The following RREB1 variants were observed in gnomAD, a reference collection of about 807,000 sequenced individuals.
RREB1 encodes the protein ras responsive element binding protein 1.
A neutral mutation model predicts 117.8 loss-of-function variants in RREB1; 27 were observed. The ratio of observed to expected loss-of-function variants is 0.23; its 90% confidence interval spans 0.17 to 0.32. The LOEUF (loss-of-function observed/expected upper bound fraction) is 0.32. RREB1 is among the 10% of genes least tolerant of loss of function. The pLI, the probability that RREB1 is intolerant of heterozygous loss-of-function variation, is 1.00. For missense variants in RREB1, 2,577 were observed against 2,378.2 expected (o/e 1.08, Z -1.74); for synonymous variants, 1,298 against 1,026.7 (o/e 1.26, Z -5.05).
rs1181609406 is a variant in RREB1, at chr6:7,251,011, G to T, written c.*2043G>T. 1 of 151,604 alleles carries T rather than the reference G, an allele frequency of 6.6e-6. No individual in the cohort carries two copies. Among genetic ancestry groups the T allele is most frequent in the African/African-American group, 2.4e-5 (1 of 41,252 alleles). The allele number at this position is 151,604 out of a possible 1,614,324, so 9.4% of individuals were successfully genotyped here. A position where few individuals can be genotyped will look rare whatever the true frequency, so the allele number is the denominator to read the frequency against. ...TATTACAGTTGTTATTGTTGTTTTT[G>T]TTGTTATTATTATTTGGGGTTTCTT... On this transcript the variant is annotated 3_prime_UTR_variant, in exon 13 of 13. Transcript: ENST00000379938.
intron 8 of RREB1, among the ~76,000 whole-genome samples, chr6:7,220,397 C>T (rs143954537): frequency 1.5e-4 from 23 of 152,054 alleles, no homozygotes; most frequent in African/African-American, 5.5e-4. Context: ...CTTAATCTGT[C>T]ATTTGGAGAT....
chr6:7,110,479 G>GGTGTGTGTGTGTGTGTGTGTGTGTGT (rs111267508), intron 1 of RREB1, among the ~76,000 whole-genome samples: 6 of 149,622 alleles, frequency 4.0e-5, no homozygotes, highest in African/African-American at 1.5e-4. Flanking sequence ...TTTTAGGGGT[G>GGTGTGTGTGTGTGTGTGTGTGTGTGT]GTGTGTGTGT....
intron 2 of RREB1, among the ~76,000 whole-genome samples, chr6:7,177,565 C>T (rs1432040170): frequency 6.6e-6 from 1 of 152,092 alleles, no homozygotes; most frequent in African/African-American, 2.4e-5. Flanking sequence ...GACAGGGTCT[C>T]ACTCTGTCGC....
chr6:7,245,176 G>A (rs1367895778), intron 11 of RREB1, among the ~76,000 whole-genome samples: 1 of 152,032 alleles, frequency 6.6e-6, no homozygotes, highest in Non-Finnish European at 1.5e-5. Context: ...TGGGTAGATC[G>A]CCTGAGGTCA....
intron 8 of RREB1, chr6:7,215,705 C>T (rs1031982842): frequency 1.3e-5 from 2 of 152,166 alleles, no homozygotes; most frequent in African/African-American, 4.8e-5. Flanking sequence ...TCGAGTATAC[C>T]AGTATCATCA....
intron 1 of RREB1, among the ~76,000 whole-genome samples, chr6:7,135,531 C>A (rs908765667): frequency 1.3e-5 from 2 of 152,098 alleles, no homozygotes; most frequent in Admixed American, 1.3e-4. Flanking sequence ...CAGCTGATGC[C>A]TCTTTCATTG....
intron 6 of RREB1, among the ~76,000 whole-genome samples, 156 bp downstream of exon 6, chr6:7,189,478 C>T (rs943638412): frequency 2.0e-5 from 3 of 152,178 alleles, no homozygotes; most frequent in Admixed American, 6.5e-5. Flanking sequence ...CACACTATCT[C>T]TGGGGTATTA....
chr6:7,245,633 CAGAT>C (rs1276894395), intron 11 of RREB1, among the ~76,000 whole-genome samples: 1 of 152,118 alleles, frequency 6.6e-6, no homozygotes, highest in Non-Finnish European at 1.5e-5. Flanking sequence ...GTGGAATGGA[CAGAT>C]AGGAACAAAT....
chr6:7,131,554 TAGTG>T (rs1209915649), intron 1 of RREB1, among the ~76,000 whole-genome samples: 1 of 152,202 alleles, frequency 6.6e-6, no homozygotes, highest in East Asian at 1.9e-4. Flanking sequence ...TCTAGCTAGT[TAGTG>T]AGGGAGTCTG....
rs1444957802 is a variant in RREB1, at chr6:7,172,696, GGGT to G, written c.-284-3956_-284-3954del. Among the ~76,000 whole-genome samples, 679 of 147,218 alleles carry G rather than the reference GGGT, an allele frequency of 4.6e-3. 7 individuals carry two copies. Among genetic ancestry groups the G allele is most frequent in the Middle Eastern group, 0.018 (5 of 284 alleles). Reference sequence around the variant, plus strand: ...CCAGCCACGGGTTGCCGGTGTGGGGGGGTGGGGGTGACTTTCTTGGGTTGCCGC... The same window carrying G: ...CCAGCCACGGGTTGCCGGTGTGGGGGGGGGGTGACTTTCTTGGGTTGCCGC... On this transcript the variant is annotated intron_variant, in intron 1 of 12. Coordinates refer to ENST00000379938, the MANE Select transcript of RREB1 (RefSeq NM_001003699.4).
At chr6:7,147,416 C>G (rs1324819048) in intron 1 of RREB1, among the ~76,000 whole-genome samples, 1 of 152,180 alleles carries the variant, frequency 6.6e-6, no homozygotes, top group Non-Finnish European at 1.5e-5. Context: ...CCCCAACTCC[C>G]CAAAGGCTTA....
chr6:7,174,421 T>C (rs1393489302), intron 1 of RREB1, among the ~76,000 whole-genome samples: 1 of 152,140 alleles, frequency 6.6e-6, no homozygotes, highest in Non-Finnish European at 1.5e-5. Flanking sequence ...ATCCTCTCCT[T>C]GCTGTCCTGT....
Position 7,206,875 on chromosome 6 carries a change from C to G in RREB1, c.426-3929C>G, listed in dbSNP as rs560734788. 2.0e-5 allele frequency among the ~76,000 whole-genome samples: 3 copies of G among 152,270 alleles called. No homozygotes were observed. In the South Asian group the frequency reaches 6.2e-4, roughly 32 times the overall value. On this transcript the variant is annotated intron_variant, in intron 6 of 12. Coordinates refer to ENST00000379938, the MANE Select transcript of RREB1 (RefSeq NM_001003699.4). Reference sequence around the variant, plus strand: ...TAGTTGGATGCATTTGAGGGACCCACAGGGGCTAGTCTGTCTGAAAGAGCT... The same window carrying G: ...TAGTTGGATGCATTTGAGGGACCCAGAGGGGCTAGTCTGTCTGAAAGAGCT...
chr6:7,170,672 T>C (rs983894073), intron 1 of RREB1, among the ~76,000 whole-genome samples: 3 of 152,370 alleles, frequency 2.0e-5, no homozygotes, highest in Non-Finnish European at 2.9e-5. Context: ...AAGCCCTGCA[T>C]AGATCCATTC....
intron 1 of RREB1, chr6:7,108,749 C>T (rs1401097091): frequency 6.6e-6 from 1 of 151,744 alleles, no homozygotes; most frequent in East Asian, 2.0e-4. Flanking sequence ...GGTGCCTGCT[C>T]GGGGCTGCTC....
At chr6:7,119,302 A>G (rs150870173) in intron 1 of RREB1, among the ~76,000 whole-genome samples, 513 of 152,208 alleles carry the variant, frequency 3.4e-3, no homozygotes, top group African/African-American at 0.012. Context: ...ATGAGCTGAG[A>G]TCGTGCTACT....
intron 12 of RREB1, among the ~76,000 whole-genome samples, chr6:7,247,822 C>T (rs1397645327): frequency 6.6e-6 from 1 of 152,206 alleles, no homozygotes; most frequent in Non-Finnish European, 1.5e-5. Context: ...GACACAAAGA[C>T]CTGAATATGC....
intron 8 of RREB1, chr6:7,212,189 A>G (rs1766649056): frequency 6.5e-6 from 1 of 154,588 alleles, no homozygotes; most frequent in African/African-American, 2.4e-5. Flanking sequence ...GAAACCTGAG[A>G]AGCCATTTTG....
chr6:7,246,767 G>A lies in RREB1; in HGVS notation c.4317G>A (p.Gly1439=). 1 of 1,556,588 alleles carries A rather than the reference G, an allele frequency of 6.4e-7. No homozygotes were observed. The highest frequency in any genetic ancestry group is 2.4e-5 in the East Asian group (1 of 41,580). The change falls in exon 12 of 13, where the codon GGG becomes GGA. Residue 1439 remains glycine (G), a synonymous_variant. Coordinates refer to ENST00000379938, the MANE Select transcript of RREB1 (RefSeq NM_001003699.4). ...AGGGCGACGGCGAGGCAGGCGCCGG[G>A]GGCGCGGCCTCGCAGGAGCAGAAGC... ...LAEGDGEAGA[G]GAASQEQKLA...
Sources: allele counts gnomAD v4.1 joint callset (sites outside exome capture counted in the v4.1 genomes callset), GRCh38; gene constraint gnomAD v4.1.1; transcripts MANE v1.5; gene names NCBI Gene and HGNC (gene_info 2026-07-23, HGNC 2026-07-21).